CCDC174: variants seen among roughly 807,000 people sequenced by gnomAD.
The protein encoded by CCDC174 is coiled-coil domain-containing protein 174.
Under a neutral mutation model 57.1 loss-of-function variants are expected in CCDC174, and 37 were observed. That is an observed-to-expected ratio of 0.65 (90% CI 0.50 to 0.85). The LOEUF (loss-of-function observed/expected upper bound fraction) is 0.85. CCDC174 is among the 40% of genes least tolerant of loss of function. The pLI is 0.00. For synonymous variants in CCDC174, 182 were observed against 190.2 expected, an observed-to-expected ratio of 0.96 and a Z score of 0.35; for missense variants, 540 against 574.3, an observed-to-expected ratio of 0.94 and a Z score of 0.61.
rs548071278 is a variant in CCDC174 at position 14,655,336 on chromosome 3, A to G, written c.148-193A>G. On this transcript the variant is annotated intron_variant, in intron 2 of 10. Coordinates refer to ENST00000383794, the MANE Select transcript of CCDC174 (RefSeq NM_016474.5). Reference sequence around the variant, plus strand: ...AAAGAAAAAAAAAAAAGTTATTTATATAATTGAGGGCTCTTTTTTTAGCTC... The same window carrying G: ...AAAGAAAAAAAAAAAAGTTATTTATGTAATTGAGGGCTCTTTTTTTAGCTC... 2.0e-5 allele frequency among the ~76,000 whole-genome samples: 3 copies of G among 152,068 alleles called. No individual in the cohort carries two copies. The South Asian group carries it at 6.2e-4, about 32-fold the overall frequency.
intron 5 of CCDC174, among the ~76,000 whole-genome samples, chr3:14,664,162 T>C (rs970592288): frequency 2.6e-5 from 4 of 152,160 alleles, no homozygotes; most frequent in African/African-American, 9.7e-5. Context: ...CAACTAACAA[T>C]TGAAATCAGC....
chr3:14,665,107 A>T lies in CCDC174; in HGVS notation c.565A>T (p.Asn189Tyr), dbSNP rs1259198564. The change falls in exon 6 of 11, where the codon AAT becomes TAT. Residue 189 changes from asparagine to tyrosine, a missense_variant. Coordinates refer to ENST00000383794, the MANE Select transcript of CCDC174 (RefSeq NM_016474.5). Reference sequence around the variant, plus strand: ...GCCAGATCTGCTGGAGATGGATAAAAATCTTCAGGGGAGACTGTAAGTGTG... The same window carrying T: ...GCCAGATCTGCTGGAGATGGATAAATATCTTCAGGGGAGACTGTAAGTGTG... Reference protein sequence around the residue: ...DLPDLLEMDKNLQGRLFISPA... With the variant: ...DLPDLLEMDKYLQGRLFISPA... 1 of 1,613,098 alleles carries T rather than the reference A, an allele frequency of 6.2e-7. No individual in the cohort carries two copies. The highest frequency in any genetic ancestry group is 8.5e-7 in the Non-Finnish European group (1 of 1,179,004).
At position 14,657,295 on chromosome 3, in the gene CCDC174, GA is replaced by G. The variant is rs1209960595; in HGVS notation, c.249-1574del. On this transcript the variant is annotated intron_variant, in intron 3 of 10. Coordinates refer to ENST00000383794, the MANE Select transcript of CCDC174 (RefSeq NM_016474.5). Reference sequence around the variant, plus strand: ...CACAGTCCCAGGCTTTTCTGAGGTAGAAGGCCTTGGGCAAGTTAGTTATCTG... The same window carrying G: ...CACAGTCCCAGGCTTTTCTGAGGTAGAGGCCTTGGGCAAGTTAGTTATCTG... Among the ~76,000 whole-genome samples, 81 of 152,346 alleles carry G rather than the reference GA, an allele frequency of 5.3e-4. 1 individual carries two copies. The South Asian group carries it at 0.016, about 31-fold the overall frequency.
chr3:14,654,670 T>C (rs2030892266), intron 2 of CCDC174, 140 bp downstream of exon 2: 3 of 512,856 alleles, frequency 5.8e-6, no homozygotes, highest in East Asian at 6.8e-5. Flanking sequence ...AACATCTGCA[T>C]GAAATGTTAT....
intron 3 of CCDC174, among the ~76,000 whole-genome samples, chr3:14,657,454 A>C (rs2030994879): frequency 6.6e-6 from 1 of 152,178 alleles, no homozygotes; most frequent in Non-Finnish European, 1.5e-5. Flanking sequence ...CATGCTCTGA[A>C]TCCCATCTTT....
chr3:14,668,772 A>C (rs1040433832), intron 9 of CCDC174, among the ~76,000 whole-genome samples: 2 of 152,192 alleles, frequency 1.3e-5, no homozygotes, highest in Non-Finnish European at 2.9e-5. Flanking sequence ...TGGCTCAAAC[A>C]AAATAGAGAT....
chr3:14,658,902 GA>G lies in CCDC174; in HGVS notation c.286del (p.Met96Ter), dbSNP rs763143298. The G allele has an allele frequency of 3.3e-6, 5 of 1,529,308 alleles. No homozygotes were observed. Among genetic ancestry groups the G allele is most frequent in the Admixed American group, 1.8e-5 (1 of 55,442 alleles). 94.7% of individuals were successfully genotyped at this position (1,529,308 alleles called of 1,614,324 possible). On this transcript the variant is annotated frameshift_variant, in exon 4 of 11. Transcript: ENST00000383794. LOFTEE classifies it high-confidence loss of function. ...EKLEEKAKLY[E>X]KMTKGDFIDE... ...ATTGGAAGAAAAAGCCAAATTATAT[GA>G]AAAAATGACTAAAGGAGACTTTATA...
At chr3:14,663,313 T>C (rs185117153) in intron 5 of CCDC174, among the ~76,000 whole-genome samples, 15 of 152,328 alleles carry the variant, frequency 9.8e-5, no homozygotes, top group Non-Finnish European at 2.1e-4. Context: ...GGCCTATCAT[T>C]TCTAATGTCT....
At chr3:14,660,249 T>G (rs540328421) in intron 4 of CCDC174, among the ~76,000 whole-genome samples, 1 of 152,370 alleles carries the variant, frequency 6.6e-6, no homozygotes, top group Non-Finnish European at 1.5e-5. Flanking sequence ...CTCATGCCTG[T>G]AATCCCAGCA....
At chr3:14,659,424 CG>C (rs1161654161) in intron 4 of CCDC174, among the ~76,000 whole-genome samples, 8 of 152,080 alleles carry the variant, frequency 5.3e-5, no homozygotes, top group African/African-American at 1.9e-4. Flanking sequence ...TAGTGGCTTA[CG>C]CTTGTAATTC....
At position 14,671,769 on chromosome 3, in the gene CCDC174, T is replaced by G. The variant is rs1210239079; in HGVS notation, c.*575T>G. The stretch of plus-strand genomic sequence containing the variant: ...AAGGTAGAAGTGGGAGTTGTTTACT[T>G]AATTTTACTGTCATACCATGCTATT... On this transcript the variant is annotated 3_prime_UTR_variant, in exon 11 of 11. Transcript: ENST00000383794. The G allele has an allele frequency of 6.5e-6, 1 of 153,004 alleles. No individual in the cohort carries two copies. Among genetic ancestry groups the G allele is most frequent in the Non-Finnish European group, 1.5e-5 (1 of 68,674 alleles). 9.5% of individuals were successfully genotyped at this position (153,004 alleles called of 1,614,324 possible).
chr3:14,655,362 C>T (rs921830725), intron 2 of CCDC174, among the ~76,000 whole-genome samples, 167 bp from the exon 3 acceptor site: 6 of 151,140 alleles, frequency 4.0e-5, no homozygotes. Context: ...TTTTTAGCTC[C>T]TGCTTGCCAT....
intron 1 of CCDC174, among the ~76,000 whole-genome samples, chr3:14,654,059 T>C (rs1312579476): frequency 6.6e-6 from 1 of 152,270 alleles, no homozygotes; most frequent in Admixed American, 6.5e-5. Context: ...TAAGTTGTGA[T>C]GATGAAATGA....
Position 14,670,053 on chromosome 3 carries a change from G to A in CCDC174, c.1072G>A (p.Val358Met). Residue 358 changes from valine to methionine, a missense_variant, in exon 10 of 11, where the codon GTG (valine) becomes ATG (methionine). Val to Met is a conservative substitution (Grantham distance 21). Coordinates refer to ENST00000383794, the MANE Select transcript of CCDC174 (RefSeq NM_016474.5). ...VQERKDTKPG[V>M]PHIREWDRGK... is the part of the protein sequence containing the mutation. ...GGAGAGGAAGGACACCAAGCCTGGA[G>A]TGCCACACATCCGGGAGTGGGACCG... 6.2e-7 allele frequency: 1 copy of A among 1,612,116 alleles called. No individual in the cohort carries two copies. The highest frequency in any genetic ancestry group is 1.1e-5 in the South Asian group (1 of 90,682).
intron 8 of CCDC174, 135 bp from the exon 9 acceptor site, chr3:14,667,914 G>A: frequency 1.3e-6 from 1 of 770,622 alleles, no homozygotes. Context: ...TCATTGTGAG[G>A]ATCTCAAGGA....
intron 1 of CCDC174, 76 bp from the exon 2 acceptor site, chr3:14,654,350 G>T (rs1358730407): frequency 1.3e-6 from 1 of 769,320 alleles, no homozygotes; most frequent in Admixed American, 2.9e-5. Context: ...ATATTCCTTT[G>T]GAAATTATAA....
intron 6 of CCDC174, among the ~76,000 whole-genome samples, chr3:14,666,411 T>TC (rs2031340973): frequency 6.6e-6 from 1 of 152,118 alleles, no homozygotes; most frequent in Non-Finnish European, 1.5e-5. Context: ...TCTCCTGAGA[T>TC]CAGGAGTTCA....
intron 1 of CCDC174, 23 bp downstream of exon 1, chr3:14,651,901 T>A: frequency 6.2e-7 from 1 of 1,611,726 alleles, no homozygotes; most frequent in Non-Finnish European, 8.5e-7. Context: ...ATGAGGTAAC[T>A]CCACGGGCTC....
rs768760183 is a variant in CCDC174 at position 14,670,971 on chromosome 3, C to G, written c.1181C>G (p.Ser394Ter). The G allele has an allele frequency of 6.2e-6, 10 of 1,614,166 alleles. No individual in the cohort carries two copies. Among genetic ancestry groups the G allele is most frequent in the Non-Finnish European group, 8.5e-6 (10 of 1,180,014 alleles). Reference protein sequence around the residue: ...AERDPEFAPPSDYFVGQKRTG... With the variant: ...AERDPEFAPP ...AGAGATCCTGAGTTTGCCCCGCCGTCAGATTACTTTGTGGGTCAGAAGAGA... is the reference window on the plus strand; with the variant it reads ...AGAGATCCTGAGTTTGCCCCGCCGTGAGATTACTTTGTGGGTCAGAAGAGA... Residue 394 changes from serine (S) to a stop codon, truncating the protein, a stop_gained, in exon 11 of 11, where the codon TCA (serine) becomes TGA (stop). Coordinates refer to ENST00000383794, the MANE Select transcript of CCDC174 (RefSeq NM_016474.5). LOFTEE classifies it low-confidence loss of function (END_TRUNC).
Sources: allele counts gnomAD v4.1 joint callset (sites outside exome capture counted in the v4.1 genomes callset), GRCh38; gene constraint gnomAD v4.1.1; transcripts MANE v1.5; gene names NCBI Gene and HGNC (gene_info 2026-07-23, HGNC 2026-07-21).